Variants in DLG2 observed in about 807,000 individuals in gnomAD.
The protein encoded by DLG2 is disks large homolog 2.
A neutral mutation model predicts 132.5 loss-of-function variants in DLG2; 45 were observed. The observed-to-expected ratio is 0.34, with a 90% CI of 0.27 to 0.44. The LOEUF is 0.44. Ranked by LOEUF, DLG2 falls within the 20% of genes least tolerant of loss-of-function variation. The probability of loss-of-function intolerance (pLI) is 1.00; values close to 1 mark genes in which losing one functional copy is unlikely to be tolerated. For synonymous variants in DLG2, 424 were observed against 419.6 expected, an observed-to-expected ratio of 1.01 and a Z score of -0.13; for missense variants, 1,045 against 1,196.9, an observed-to-expected ratio of 0.87 and a Z score of 1.87.
At chr11:85,615,586 C>T (rs2081279829) in intron 2 of DLG2, among the ~76,000 whole-genome samples, 1 of 151,502 alleles carries the variant, frequency 6.6e-6, no homozygotes, top group South Asian at 2.1e-4. Context: ...ATTTATTTAT[C>T]TAGAAAAATA....
At position 83,980,578 on chromosome 11, in the gene DLG2, A is replaced by G. The variant is rs778414084; in HGVS notation, c.984T>C (p.Tyr328=). 8 of 1,613,720 alleles carry G rather than the reference A, an allele frequency of 5.0e-6. No homozygotes were observed. The highest frequency in any genetic ancestry group is 1.1e-5 in the South Asian group (1 of 91,068). ...NQHIPGDNSI[Y]VTKIIDGGAA... is the part of the protein sequence containing the mutation. ...CTCCTCCATCTATAATTTTAGTTAC[A>G]TAAATGCTGTTGTCTCCAGGAATGT... is the stretch of plus-strand genomic sequence containing the variant. The change falls in exon 12 of 28, where the codon TAT becomes TAC. Residue 328 remains tyrosine, a synonymous_variant. Transcript: ENST00000376104.
At chr11:84,568,997 C>A (rs2099469463) in intron 6 of DLG2, among the ~76,000 whole-genome samples, 1 of 152,240 alleles carries the variant, frequency 6.6e-6, no homozygotes, top group Admixed American at 6.5e-5. Context: ...TCACAAAGAG[C>A]AAAATTGCCC....
intron 5 of DLG2, among the ~76,000 whole-genome samples, chr11:85,121,594 T>C (rs1594513967): frequency 6.6e-6 from 1 of 152,222 alleles, no homozygotes; most frequent in Non-Finnish European, 1.5e-5. Flanking sequence ...ATTTCAATTA[T>C]GATCATGATA....
chr11:84,278,674 A>G (rs555970091), intron 7 of DLG2, among the ~76,000 whole-genome samples: 25 of 152,316 alleles, frequency 1.6e-4, no homozygotes, highest in African/African-American at 6.0e-4. Context: ...AATTGGTTTA[A>G]CATTTACAAA....
At chr11:84,875,756 G>T (rs2086248042) in intron 6 of DLG2, among the ~76,000 whole-genome samples, 2 of 151,158 alleles carry the variant, frequency 1.3e-5, no homozygotes. Flanking sequence ...TTTTTTTTGA[G>T]ATGGAGTTTC....
chr11:84,009,312 G>A (rs748776299), intron 11 of DLG2, among the ~76,000 whole-genome samples: 2 of 151,830 alleles, frequency 1.3e-5, no homozygotes, highest in Admixed American at 6.6e-5. Flanking sequence ...ACCTTCGATC[G>A]CACAAAACCT....
chr11:84,287,665 C>CCTCCATCT (rs2097923419), intron 7 of DLG2, among the ~76,000 whole-genome samples: 1 of 151,288 alleles, frequency 6.6e-6, no homozygotes, highest in Non-Finnish European at 1.5e-5. Context: ...CCTCTTCCTC[C>CCTCCATCT]CTCCATCTCT....
chr11:84,899,059 T>C (rs1290139944), intron 6 of DLG2, among the ~76,000 whole-genome samples: 1 of 152,052 alleles, frequency 6.6e-6, no homozygotes, highest in Admixed American at 6.6e-5. Flanking sequence ...AGTGAGTGAC[T>C]TAAAATAGGC....
chr11:85,524,240 G>A (rs1308460325), intron 3 of DLG2, among the ~76,000 whole-genome samples: 1 of 152,074 alleles, frequency 6.6e-6, no homozygotes, highest in East Asian at 1.9e-4. Context: ...AACTAAAAGA[G>A]TATAACTGGA....
intron 3 of DLG2, among the ~76,000 whole-genome samples, chr11:85,516,996 T>C (rs1333405922): frequency 1.3e-5 from 2 of 151,758 alleles, no homozygotes; most frequent in East Asian, 1.9e-4. Context: ...CAGACCAGTA[T>C]CCCTGATGAA....
chr11:85,364,660 G>A (rs559830474), intron 3 of DLG2, among the ~76,000 whole-genome samples: 1 of 152,032 alleles, frequency 6.6e-6, no homozygotes, highest in African/African-American at 2.4e-5. Context: ...CTTGTTTGGG[G>A]GCCTCTTCTT....
intron 18 of DLG2, among the ~76,000 whole-genome samples, chr11:83,724,476 T>TGTGTGTGTGAGAGA (rs762050933): frequency 3.4e-5 from 4 of 118,152 alleles, no homozygotes; most frequent in Admixed American, 9.6e-5. Context: ...TGTGTGTGTG[T>TGTGTGTGTGAGAGA]GAGAGAGAGA....
At chr11:83,934,447 T>C (rs2081019767) in intron 14 of DLG2, among the ~76,000 whole-genome samples, 1 of 152,106 alleles carries the variant, frequency 6.6e-6, no homozygotes, top group Non-Finnish European at 1.5e-5. Context: ...TGTTTCTCGG[T>C]GTCCCCTTAA....
chr11:84,556,819 T>C (rs1161918496), intron 6 of DLG2, among the ~76,000 whole-genome samples: 3 of 152,370 alleles, frequency 2.0e-5, no homozygotes, highest in African/African-American at 7.2e-5. Flanking sequence ...ACATGTAGTA[T>C]TGCGTTTTCT....
chr11:84,791,291 G>GT (rs2073812423), intron 6 of DLG2, among the ~76,000 whole-genome samples: 1 of 152,114 alleles, frequency 6.6e-6, no homozygotes, highest in African/African-American at 2.4e-5. Context: ...GAGCCAAACA[G>GT]TATCAGTCTA....
At chr11:84,418,598 G>A (rs187765676) in intron 7 of DLG2, among the ~76,000 whole-genome samples, 83 of 152,262 alleles carry the variant, frequency 5.5e-4, no homozygotes, top group South Asian at 3.7e-3. Context: ...TGTCCAAATG[G>A]TTTTTGAATT....
chr11:85,168,719 T>C (rs1258188243), intron 4 of DLG2, among the ~76,000 whole-genome samples: 1 of 152,172 alleles, frequency 6.6e-6, no homozygotes, highest in East Asian at 1.9e-4. Context: ...ATAAAAATTT[T>C]GCAGAAATAG....
intron 18 of DLG2, among the ~76,000 whole-genome samples, chr11:83,765,400 A>C (rs537873613): frequency 2.0e-5 from 3 of 152,358 alleles, no homozygotes; most frequent in Admixed American, 6.5e-5. Context: ...CTTGAAAAGG[A>C]GAAATATTTA....
chr11:83,494,389 C>G (rs1309879799), intron 21 of DLG2, among the ~76,000 whole-genome samples: 9 of 150,468 alleles, frequency 6.0e-5, no homozygotes. Flanking sequence ...ACCACCATCC[C>G]AGGATGCAGG....
Sources: allele counts gnomAD v4.1 joint callset (sites outside exome capture counted in the v4.1 genomes callset), GRCh38; gene constraint gnomAD v4.1.1; transcripts MANE v1.5; gene names NCBI Gene and HGNC (gene_info 2026-07-23, HGNC 2026-07-21).